The following BMPR2 variants were observed in gnomAD, a reference collection of about 807,000 sequenced individuals.
BMPR2 encodes the protein bone morphogenetic protein receptor type-2.
Under a neutral mutation model 100.8 loss-of-function variants are expected in BMPR2, and 29 were observed. That is an observed-to-expected ratio of 0.29 (90% CI 0.21 to 0.39). The LOEUF (loss-of-function observed/expected upper bound fraction) is 0.39. Ranked by LOEUF, BMPR2 falls within the 10% of genes least tolerant of loss-of-function variation. The probability of loss-of-function intolerance (pLI) is 1.00; values close to 1 mark genes in which losing one functional copy is unlikely to be tolerated. For missense variants in BMPR2, 1,011 were observed against 1,274.5 expected, an observed-to-expected ratio of 0.79 and a Z score of 3.15; for synonymous variants, 382 against 442.3, an observed-to-expected ratio of 0.86 and a Z score of 1.71.
At position 202,562,314 on chromosome 2, in the gene BMPR2, T is replaced by A. The variant is rs1254392340; in HGVS notation, c.*2368T>A. The A allele has an allele frequency of 6.6e-6, 1 of 152,630 alleles. No homozygotes were observed. The highest frequency in any genetic ancestry group is 6.5e-5 in the Admixed American group (1 of 15,270). The allele number at this position is 152,630 out of a possible 1,614,324, so 9.5% of individuals were successfully genotyped here. On this transcript the variant is annotated 3_prime_UTR_variant, in exon 13 of 13. Transcript: ENST00000374580. ...AATTATGATAAAATGCTTTAAAAAT[T>A]AATATGCCAGATTAAAATAACTGAA...
chr2:202,456,029 T>C (rs1315418181), intron 1 of BMPR2, among the ~76,000 whole-genome samples: 19 of 110,276 alleles, frequency 1.7e-4, no homozygotes, highest in African/African-American at 4.3e-4. Context: ...TGCGCCACTG[T>C]ACTCCAAACT....
In BMPR2 at chr2:202,542,526, T is replaced by A. The variant is rs952009210; in HGVS notation, c.1413+79T>A. The A allele has an allele frequency of 1.1e-5, 17 of 1,506,370 alleles. No individual in the cohort carries two copies. In the African/African-American group the frequency reaches 2.4e-4, roughly 21 times the overall value. The allele number at this position is 1,506,370 out of a possible 1,614,324, so 93.3% of individuals were successfully genotyped here. On this transcript the variant is annotated intron_variant, in intron 10 of 12. Transcript: ENST00000374580. ...TGTTGTTTGAAACAAAAATAGACTG[T>A]TAATAACGTTAATAGTTTTTGGAGT...
chr2:202,390,940 A>G (rs1191699571), intron 1 of BMPR2, among the ~76,000 whole-genome samples: 3 of 129,500 alleles, frequency 2.3e-5, no homozygotes, highest in Admixed American at 7.9e-5. Context: ...GAAAGCCTCT[A>G]CCTTATGTAC....
chr2:202,514,594 C>T (rs1193434729), intron 4 of BMPR2, among the ~76,000 whole-genome samples: 1 of 152,156 alleles, frequency 6.6e-6, no homozygotes, highest in Non-Finnish European at 1.5e-5. Context: ...ATTTGAATAA[C>T]TTCTATACAA....
chr2:202,546,376 A>C (rs1688376340), intron 10 of BMPR2, among the ~76,000 whole-genome samples: 1 of 152,246 alleles, frequency 6.6e-6, no homozygotes, highest in East Asian at 1.9e-4. Flanking sequence ...CTTTAATTTT[A>C]TAAATTGCCA....
intron 1 of BMPR2, among the ~76,000 whole-genome samples, chr2:202,407,880 C>A (rs1690934889): frequency 6.6e-6 from 1 of 151,006 alleles, no homozygotes; most frequent in East Asian, 2.0e-4. Context: ...GTAGCCCAGG[C>A]TGAAGTGCAG....
intron 7 of BMPR2, among the ~76,000 whole-genome samples, chr2:202,524,256 C>T (rs1035809019): frequency 3.6e-4 from 54 of 149,910 alleles, no homozygotes; most frequent in Admixed American, 1.7e-3. Flanking sequence ...CAGCTACTCG[C>T]GAGGCTGAGG....
chr2:202,419,483 A>T (rs1207566904), intron 1 of BMPR2, among the ~76,000 whole-genome samples: 1 of 152,014 alleles, frequency 6.6e-6, no homozygotes, highest in East Asian at 1.9e-4. Flanking sequence ...TAGCCTCCTG[A>T]GTAGCTGGGA....
At chr2:202,493,686 A>G (rs1248557351) in intron 3 of BMPR2, among the ~76,000 whole-genome samples, 1 of 152,196 alleles carries the variant, frequency 6.6e-6, no homozygotes, top group Non-Finnish European at 1.5e-5. Flanking sequence ...AAAATTGTAA[A>G]TACTTATGGA....
intron 3 of BMPR2, among the ~76,000 whole-genome samples, chr2:202,497,680 C>T (rs1377529489): frequency 1.3e-5 from 2 of 152,226 alleles, no homozygotes; most frequent in Non-Finnish European, 2.9e-5. Flanking sequence ...GCCCATCTAT[C>T]GTATCTATCC....
At chr2:202,487,451 A>G (rs1273923726) in intron 3 of BMPR2, among the ~76,000 whole-genome samples, 1 of 152,224 alleles carries the variant, frequency 6.6e-6, no homozygotes, top group Non-Finnish European at 1.5e-5. Context: ...ACTAATAAAT[A>G]ATGATCAGAT....
At chr2:202,512,706 T>G in intron 3 of BMPR2, among the ~76,000 whole-genome samples, 1 of 152,298 alleles carries the variant, frequency 6.6e-6, no homozygotes. Context: ...ACATAAAATG[T>G]TTACATGTTT....
chr2:202,497,173 G>A (rs923834122), intron 3 of BMPR2, among the ~76,000 whole-genome samples: 10 of 152,302 alleles, frequency 6.6e-5, no homozygotes, highest in Middle Eastern at 3.4e-3. Flanking sequence ...CCTGCAGCCC[G>A]CCATGCCTGA....
intron 3 of BMPR2, among the ~76,000 whole-genome samples, chr2:202,483,249 G>A (rs1279292170): frequency 6.6e-6 from 1 of 151,892 alleles, no homozygotes; most frequent in African/African-American, 2.4e-5. Flanking sequence ...ATATATTTTG[G>A]ATATTAACCA....
chr2:202,504,404 C>T (rs1687476047), intron 3 of BMPR2, among the ~76,000 whole-genome samples: 2 of 151,928 alleles, frequency 1.3e-5, no homozygotes, highest in Admixed American at 6.6e-5. Context: ...CACGCCGCCT[C>T]AAGAGCTGTA....
At chr2:202,467,927 A>G (rs1024395724) in intron 3 of BMPR2, among the ~76,000 whole-genome samples, 1 of 152,000 alleles carries the variant, frequency 6.6e-6, no homozygotes, top group African/African-American at 2.4e-5. Flanking sequence ...AGGCGCCTGT[A>G]ATCCCGCTAC....
At chr2:202,535,014 G>GGCGGC in intron 9 of BMPR2, among the ~76,000 whole-genome samples, 1 of 140,596 alleles carries the variant, frequency 7.1e-6, no homozygotes, top group Non-Finnish European at 1.6e-5. Flanking sequence ...TCCCGGACGG[G>GGCGGC]TCGGCTGGCC....
At chr2:202,457,047 A>C (rs532715941) in intron 1 of BMPR2, among the ~76,000 whole-genome samples, 7 of 152,136 alleles carry the variant, frequency 4.6e-5, no homozygotes, top group African/African-American at 1.7e-4. Context: ...GATTTTTAGA[A>C]GGGGATATAC....
chr2:202,516,582 G>A (rs6715255), intron 5 of BMPR2, among the ~76,000 whole-genome samples: 18,082 of 152,114 alleles, frequency 0.12, 1,186 homozygotes, highest in Admixed American at 0.14. Context: ...GGAGGCTGAG[G>A]TTGAAGGATC....
Sources: gnomAD v4.1 joint callset for allele counts (sites outside exome capture counted in the v4.1 genomes callset) on GRCh38, gnomAD v4.1.1 for gene constraint, MANE v1.5 for transcripts, NCBI Gene and HGNC (gene_info 2026-07-23, HGNC 2026-07-21) for gene names.